DYSF: variants seen among roughly 807,000 people sequenced by gnomAD.
DYSF encodes the protein dystrophy-associated fer-1-like 1.
A neutral mutation model predicts 274.9 loss-of-function variants in DYSF; 212 were observed. The observed-to-expected ratio is 0.77, with a 90% CI of 0.69 to 0.86. The LOEUF (loss-of-function observed/expected upper bound fraction) is 0.86. Ranked by LOEUF, DYSF falls within the 40% of genes least tolerant of loss-of-function variation. The probability of loss-of-function intolerance (pLI) is 0.00; values close to 1 mark genes in which losing one functional copy is unlikely to be tolerated. For missense variants in DYSF, 2,666 were observed against 2,783.2 expected (o/e 0.96, Z 0.95); for synonymous variants, 1,091 against 1,078.7 (o/e 1.01, Z -0.22).
At chr2:71,517,518 C>A (rs1405847986) in intron 10 of DYSF, among the ~76,000 whole-genome samples, 2 of 152,006 alleles carry the variant, frequency 1.3e-5, no homozygotes, top group African/African-American at 4.8e-5. Context: ...TTTGGTCACA[C>A]CGAGTTCATC....
At chr2:71,466,430 C>T (rs2081534250), upstream of DYSF, among the ~76,000 whole-genome samples, 1 of 152,192 alleles carries the variant, frequency 6.6e-6, no homozygotes, top group Admixed American at 6.5e-5. Flanking sequence ...GGTGTGGAGC[C>T]TTGGTCACCG....
At chr2:71,601,382 A>G in intron 34 of DYSF, 117 bp from the exon 35 acceptor site, 1 of 1,356,214 alleles carries the variant, frequency 7.4e-7, no homozygotes, top group Non-Finnish European at 1.1e-6. Context: ...ACCCTCAAGG[A>G]ATAGAGGCTG....
At chr2:71,570,488 G>A (rs1475928587) in intron 28 of DYSF, 111 bp from the exon 29 acceptor site, 30 of 1,508,654 alleles carry the variant, frequency 2.0e-5, no homozygotes, top group Non-Finnish European at 2.4e-5. Flanking sequence ...AATTAGGACC[G>A]AGAGTCAGTG....
At position 71,535,062 on chromosome 2, in the gene DYSF, G is replaced by A. The variant is rs1274165804; in HGVS notation, c.1422G>A (p.Trp474Ter). Reference sequence around the variant, plus strand: ...TGGAGAAGACGGCCAACCCTCAGTGGAACCAGAACATCACACTGCCTGCCA... The same window carrying A: ...TGGAGAAGACGGCCAACCCTCAGTGAAACCAGAACATCACACTGCCTGCCA... ...KILEKTANPQWNQNITLPAMF... is the reference protein window; with the variant it reads ...KILEKTANPQ Residue 474 changes from tryptophan to a stop codon, truncating the protein, a stop_gained, in exon 15 of 56, where the codon TGG (tryptophan) becomes TGA (stop). Coordinates refer to ENST00000410020, the MANE Select transcript of DYSF (RefSeq NM_001130987.2). LOFTEE classifies it high-confidence loss of function. 6.2e-7 allele frequency: 1 copy of A among 1,614,018 alleles called. No individual in the cohort carries two copies. The highest frequency in any genetic ancestry group is 8.5e-7 in the Non-Finnish European group (1 of 1,180,028).
intron 21 of DYSF, among the ~76,000 whole-genome samples, chr2:71,554,541 G>A (rs1460240010): frequency 6.6e-6 from 1 of 152,112 alleles, no homozygotes; most frequent in Non-Finnish European, 1.5e-5. Context: ...GATGGGGGGT[G>A]GGAACCCAGC....
chr2:71,554,131 G>T (rs1019495643), intron 21 of DYSF, among the ~76,000 whole-genome samples, 200 bp downstream of exon 21: 4 of 152,190 alleles, frequency 2.6e-5, no homozygotes, highest in African/African-American at 9.7e-5. Flanking sequence ...GAGAAAAGAG[G>T]GGATGTGAGC....
In DYSF at chr2:71,612,622, T is replaced by A; in HGVS notation, c.4222-19T>A. On this transcript the variant is annotated intron_variant, in intron 38 of 55. Coordinates refer to ENST00000410020, the MANE Select transcript of DYSF (RefSeq NM_001130987.2). ...CCAGAGGGGGATTCAGGCCAGTGCG[T>A]TCTTCCTCCTCCACCCAGATGCTGC... is the stretch of plus-strand genomic sequence containing the variant. The A allele has an allele frequency of 6.2e-7, 1 of 1,613,166 alleles. No individual in the cohort carries two copies. The highest frequency in any genetic ancestry group is 1.1e-5 in the South Asian group (1 of 91,014).
In DYSF at chr2:71,512,411, G is replaced by A. The variant is rs532111834; in HGVS notation, c.460+490G>A. Among the ~76,000 whole-genome samples, 3 of 152,308 alleles carry A rather than the reference G, an allele frequency of 2.0e-5. No individual in the cohort carries two copies. The East Asian group carries it at 5.8e-4, about 29-fold the overall frequency. On this transcript the variant is annotated intron_variant, in intron 5 of 55. Transcript: ENST00000410020. Reference sequence around the variant, plus strand: ...AACTGAACTTCAGGGTTCCAGTCCTGCCTTTGACACTGAGTCTCTGTGTGA... The same window carrying A: ...AACTGAACTTCAGGGTTCCAGTCCTACCTTTGACACTGAGTCTCTGTGTGA...
chr2:71,684,686 A>G (rs2095334922), intron 55 of DYSF, among the ~76,000 whole-genome samples: 1 of 152,216 alleles, frequency 6.6e-6, no homozygotes, highest in South Asian at 2.1e-4. Flanking sequence ...GCACCAGGGA[A>G]CTCACTAGAA....
chr2:71,567,846 C>A, intron 24 of DYSF, 105 bp from the exon 25 acceptor site: 1 of 1,512,360 alleles, frequency 6.6e-7, no homozygotes, highest in Non-Finnish European at 9.0e-7. Flanking sequence ...GTGAGGGTGT[C>A]AGCCTGCTCT....
chr2:71,483,825 TAGTC>T (rs1449367790), intron 3 of DYSF, among the ~76,000 whole-genome samples: 1 of 151,906 alleles, frequency 6.6e-6, no homozygotes, highest in Non-Finnish European at 1.5e-5. Context: ...GACATGCTCA[TAGTC>T]ACTGAGCCCC....
intron 1 of DYSF, among the ~76,000 whole-genome samples, chr2:71,479,229 C>A (rs1039739286): frequency 7.6e-6 from 1 of 131,178 alleles, no homozygotes; most frequent in Non-Finnish European, 1.7e-5. Context: ...CCCATCGTTT[C>A]TTTTCCTGAT....
chr2:71,650,438 G>A (rs1183312685), intron 42 of DYSF, among the ~76,000 whole-genome samples: 1 of 152,058 alleles, frequency 6.6e-6, no homozygotes, highest in Non-Finnish European at 1.5e-5. Flanking sequence ...CCAAGATGGT[G>A]CCACTGCACT....
chr2:71,626,308 GT>G (rs70963105), intron 41 of DYSF, among the ~76,000 whole-genome samples: 72,908 of 150,468 alleles, frequency 0.48, 17,826 homozygotes, highest in Admixed American at 0.57. Context: ...CTAGTTAGCT[GT>G]TTTTTTTCAT....
chr2:71,593,125 C>CTTT (rs35900869), intron 32 of DYSF, among the ~76,000 whole-genome samples: 1,735 of 84,770 alleles, frequency 0.02, no homozygotes, highest in Middle Eastern at 0.035. Context: ...TCAGTGACTT[C>CTTT]TTTTTTTTTT....
In DYSF at chr2:71,602,684, C is replaced by G. The variant is rs893145252; in HGVS notation, c.3928-92C>G. Reference sequence around the variant, plus strand: ...CTGGCATGCTGACCTCTGGCCCCGCCTAGTGCGCCTTGATACTAATAGAGA... The same window carrying G: ...CTGGCATGCTGACCTCTGGCCCCGCGTAGTGCGCCTTGATACTAATAGAGA... On this transcript the variant is annotated intron_variant, in intron 35 of 55. Coordinates refer to ENST00000410020, the MANE Select transcript of DYSF (RefSeq NM_001130987.2). The G allele has an allele frequency of 3.5e-6, 5 of 1,413,428 alleles. No homozygotes were observed. The Admixed American group carries it at 5.9e-5, about 17-fold the overall frequency. 87.6% of individuals were successfully genotyped at this position (1,413,428 alleles called of 1,614,324 possible). A position where few individuals can be genotyped will look rare whatever the true frequency, so the allele number is the denominator to read the frequency against.
chr2:71,597,553 G>A (rs745925801), intron 32 of DYSF, among the ~76,000 whole-genome samples: 2 of 152,110 alleles, frequency 1.3e-5, no homozygotes, highest in Admixed American at 6.5e-5. Context: ...AGTCTCTGGG[G>A]GCAGCACCCA....
intron 50 of DYSF, 118 bp downstream of exon 50, chr2:71,669,325 C>T (rs749002279): frequency 5.5e-5 from 54 of 983,626 alleles, no homozygotes; most frequent in Admixed American, 8.0e-5. Flanking sequence ...AAACTTCCAA[C>T]GAGGGCTCCT....
intron 41 of DYSF, among the ~76,000 whole-genome samples, chr2:71,633,170 G>A (rs181549436): frequency 1.3e-3 from 191 of 152,274 alleles, no homozygotes; most frequent in Non-Finnish European, 2.3e-3. Flanking sequence ...CTGAATCAAC[G>A]TGGTGGCTGG....
Sources: allele counts gnomAD v4.1 joint callset (sites outside exome capture counted in the v4.1 genomes callset), GRCh38; gene constraint gnomAD v4.1.1; transcripts MANE v1.5; gene names NCBI Gene and HGNC (gene_info 2026-07-23, HGNC 2026-07-21).